Variants in GPHN observed in about 807,000 individuals in gnomAD.
GPHN encodes gephyrin.
In GPHN, 17 loss-of-function variants were observed where a neutral mutation model predicts 95.5. That is an observed-to-expected ratio of 0.18 (90% CI 0.12 to 0.27). GPHN has a LOEUF of 0.27. Ranked by LOEUF, GPHN falls within the 10% of genes least tolerant of loss-of-function variation. GPHN has a pLI of 1.00. For synonymous variants in GPHN, 320 were observed against 322.5 expected (o/e 0.99, Z 0.08); for missense variants, 660 against 978.1 (o/e 0.67, Z 4.34).
chr14:67,316,978 TAGAACCGTGA>T, the GPHN span: 1 of 1,174,348 alleles, frequency 8.5e-7, no homozygotes, highest in East Asian at 2.4e-5. Flanking sequence ...ATCTGCATAT[TAGAACCGTGA>T]AGAAGTACTC....
the GPHN span, among the ~76,000 whole-genome samples, chr14:67,422,421 G>A: frequency 6.6e-6 from 1 of 152,216 alleles, no homozygotes; most frequent in African/African-American, 2.4e-5. Flanking sequence ...ACCTGTGAGT[G>A]TAATACACTC....
At chr14:66,736,689 G>A (rs913156481) in intron 2 of GPHN, among the ~76,000 whole-genome samples, 2 of 152,068 alleles carry the variant, frequency 1.3e-5, no homozygotes, top group African/African-American at 4.8e-5. Flanking sequence ...ACATACGTGA[G>A]CCACTGTGCC....
chr14:67,641,198 T>C, the GPHN span, among the ~76,000 whole-genome samples: 2 of 152,120 alleles, frequency 1.3e-5, no homozygotes, highest in African/African-American at 4.8e-5. Flanking sequence ...AAATATTATA[T>C]AAAATTACCT....
the GPHN span, among the ~76,000 whole-genome samples, chr14:67,733,382 G>A: frequency 1.3e-5 from 2 of 152,078 alleles, no homozygotes; most frequent in Non-Finnish European, 2.9e-5. Context: ...GCACTGAACT[G>A]TAGTAGTAGT....
chr14:67,326,604 T>C, the GPHN span, among the ~76,000 whole-genome samples: 29 of 152,264 alleles, frequency 1.9e-4, no homozygotes, highest in East Asian at 5.2e-3. Context: ...CTAGATAGTT[T>C]TCTTATGCCC....
chr14:67,446,080 C>T, the GPHN span: 1 of 515,054 alleles, frequency 1.9e-6, no homozygotes, highest in Non-Finnish European at 3.9e-6. Flanking sequence ...TACAAACTCT[C>T]CCAGCTCTCA....
chr14:67,189,778 A>G, the GPHN span: 1 of 152,170 alleles, frequency 6.6e-6, no homozygotes, highest in East Asian at 1.9e-4. Flanking sequence ...TTTTTCTTAG[A>G]AATAATTTCA....
intron 8 of GPHN, among the ~76,000 whole-genome samples, chr14:66,949,930 T>C (rs1242345355): frequency 6.7e-6 from 1 of 148,952 alleles, no homozygotes; most frequent in Admixed American, 6.8e-5. Flanking sequence ...ATTTTTATAA[T>C]GTAACTCTCC....
the GPHN span, among the ~76,000 whole-genome samples, chr14:67,429,123 A>G: frequency 3.3e-5 from 5 of 152,150 alleles, no homozygotes; most frequent in Non-Finnish European, 7.4e-5. Context: ...GGCTGAAGCC[A>G]TGACTAAAAT....
At chr14:67,359,732 C>A in the GPHN span, 1 of 1,613,430 alleles carries the variant, frequency 6.2e-7, no homozygotes, top group Non-Finnish European at 8.5e-7. Flanking sequence ...GGTCCCCGGC[C>A]GGGCAACCGA....
intron 2 of GPHN, among the ~76,000 whole-genome samples, chr14:66,715,709 A>C (rs1424669759): frequency 6.6e-6 from 1 of 152,098 alleles, no homozygotes; most frequent in Non-Finnish European, 1.5e-5. Flanking sequence ...AATAATTTTT[A>C]AATTTCCATC....
intron 1 of GPHN, among the ~76,000 whole-genome samples, chr14:66,515,555 T>A (rs1048884109): frequency 6.6e-6 from 1 of 152,180 alleles, no homozygotes; most frequent in Non-Finnish European, 1.5e-5. Flanking sequence ...AACTAAAAAT[T>A]TGAAATTATA....
At chr14:66,882,402 G>C (rs1273716903) in intron 5 of GPHN, among the ~76,000 whole-genome samples, 1 of 151,588 alleles carries the variant, frequency 6.6e-6, no homozygotes. Context: ...AGCAGCATTA[G>C]ATAAAAACAA....
At chr14:66,611,903 T>C (rs1206470816) in intron 1 of GPHN, among the ~76,000 whole-genome samples, 1 of 152,138 alleles carries the variant, frequency 6.6e-6, no homozygotes, top group Non-Finnish European at 1.5e-5. Flanking sequence ...TCTTATCCTG[T>C]CATTACAAAC....
At chr14:66,553,400 A>C (rs2059895002) in intron 1 of GPHN, among the ~76,000 whole-genome samples, 1 of 152,112 alleles carries the variant, frequency 6.6e-6, no homozygotes, top group African/African-American at 2.4e-5. Flanking sequence ...GATCACAGTT[A>C]CATATATTTC....
chr14:67,199,562 T>C, the GPHN span: 3 of 1,599,352 alleles, frequency 1.9e-6, no homozygotes, highest in Non-Finnish European at 1.7e-6. Flanking sequence ...GCAGTACCTC[T>C]GTAACCACCC....
At chr14:66,515,356 T>G (rs1383458871) in intron 1 of GPHN, among the ~76,000 whole-genome samples, 1 of 152,188 alleles carries the variant, frequency 6.6e-6, no homozygotes, top group Non-Finnish European at 1.5e-5. Flanking sequence ...CTATTATTAC[T>G]AAAAGGATAG....
chr14:67,669,616 A>G, the GPHN span, among the ~76,000 whole-genome samples: 1 of 152,122 alleles, frequency 6.6e-6, no homozygotes, highest in Non-Finnish European at 1.5e-5. Flanking sequence ...GTAAGGCTAT[A>G]TTATGTCATG....
At chr14:67,053,926 A>G (rs1411933611) in intron 10 of GPHN, among the ~76,000 whole-genome samples, 1 of 152,228 alleles carries the variant, frequency 6.6e-6, no homozygotes, top group African/African-American at 2.4e-5. Context: ...TTCATGTTAA[A>G]AACTTTCAAT....
Sources: gnomAD v4.1 joint callset for allele counts (sites outside exome capture counted in the v4.1 genomes callset) on GRCh38, gnomAD v4.1.1 for gene constraint, MANE v1.5 for transcripts, NCBI Gene and HGNC (gene_info 2026-07-23, HGNC 2026-07-21) for gene names.